The following STS variants were observed in gnomAD, a reference collection of about 807,000 sequenced individuals.
STS encodes steryl-sulfatase.
A neutral mutation model predicts 26.8 loss-of-function variants in STS; 7 were observed. That is an observed-to-expected ratio of 0.26 (90% CI 0.15 to 0.49). The LOEUF is 0.49. Among genes scored for constraint, STS ranks in the 20% least tolerant of loss-of-function variants. The pLI, the probability that STS is intolerant of heterozygous loss-of-function variation, is 0.98. For missense variants in STS, 434 were observed against 465.6 expected (o/e 0.93, Z 0.63); for synonymous variants, 199 against 189.4 (o/e 1.05, Z -0.42).
chrX:7,242,984 G>T (rs1922694204), intron 2 of STS, among the ~76,000 whole-genome samples: 1 of 112,539 alleles, frequency 8.9e-6, no homozygotes, highest in African/African-American at 3.2e-5. Flanking sequence ...TCAGTGAATT[G>T]CTTTCCACTG....
At position 7,148,100 on chromosome X, in the gene STS, G is replaced by C. The variant is rs957111882; in HGVS notation, c.-134+17G>C. ...AAAGATGAGGTGGGTGACGGGCTGC[G>C]GGGGCGCCGCCATGGTGGCGCCTTC... On this transcript the variant is annotated intron_variant, in intron 1 of 10. Coordinates refer to ENST00000674429, the MANE Select transcript of STS (RefSeq NM_001320752.2). 3.5e-6 allele frequency: 4 copies of C among 1,133,255 alleles called. No homozygotes were observed. Among genetic ancestry groups the C allele is most frequent in the East Asian group, 7.4e-5 (2 of 27,122 alleles). The allele number at this position is 1,133,255 out of a possible 1,213,427, so 93.4% of individuals were successfully genotyped here.
At chrX:7,271,567 A>G (rs1267949652) in intron 6 of STS, among the ~76,000 whole-genome samples, 3 of 111,113 alleles carry the variant, frequency 2.7e-5, no homozygotes, top group Non-Finnish European at 3.8e-5. Context: ...GTCATCAGCT[A>G]GGATGACAAT....
chrX:7,193,929 ACT>A (rs1365171920), intron 2 of STS, among the ~76,000 whole-genome samples: 2 of 110,714 alleles, frequency 1.8e-5, no homozygotes, highest in African/African-American at 6.6e-5. Context: ...TTTGAGACAG[ACT>A]CTCACTCTGT....
intron 1 of STS, among the ~76,000 whole-genome samples, chrX:7,150,372 C>T (rs966236165): frequency 1.2e-3 from 135 of 110,806 alleles, no homozygotes; most frequent in African/African-American, 4.2e-3. Context: ...CAGGCGCCAG[C>T]CACCACACCC....
chrX:7,249,155 C>T (rs993191670), intron 2 of STS, among the ~76,000 whole-genome samples: 32 of 110,665 alleles, frequency 2.9e-4, no homozygotes, highest in African/African-American at 1.0e-3. Context: ...AGGGAGCCTG[C>T]ATTAGAGAAA....
At chrX:7,212,438 C>G (rs1921072415) in intron 2 of STS, among the ~76,000 whole-genome samples, 1 of 111,139 alleles carries the variant, frequency 9.0e-6, no homozygotes, top group South Asian at 3.9e-4. Flanking sequence ...TGCCACTGCA[C>G]TCCAGCCTGG....
At chrX:7,165,435 C>T (rs762671589) in intron 1 of STS, among the ~76,000 whole-genome samples, 228 of 110,878 alleles carry the variant, frequency 2.1e-3, no homozygotes, top group African/African-American at 7.0e-3. Context: ...AGGAGATTGA[C>T]ACCAGGAGTT....
intron 7 of STS, among the ~76,000 whole-genome samples, chrX:7,288,317 A>T (rs1925244172): frequency 9.1e-6 from 1 of 110,001 alleles, no homozygotes; most frequent in African/African-American, 3.3e-5. Flanking sequence ...AAATACTCAA[A>T]TATTCATCCA....
At chrX:7,305,221 G>C (rs752418757) in intron 8 of STS, 38 bp downstream of exon 8, 2 of 1,203,195 alleles carry the variant, frequency 1.7e-6, no homozygotes, top group Non-Finnish European at 2.2e-6. Context: ...TGGCCTCTCA[G>C]CTCATCCGCT....
At chrX:7,203,728 T>C (rs1222050988) in intron 2 of STS, among the ~76,000 whole-genome samples, 1 of 111,254 alleles carries the variant, frequency 9.0e-6, no homozygotes, top group Non-Finnish European at 1.9e-5. Context: ...GTTATGTGTA[T>C]GCCTTTCTAT....
chrX:7,148,243 C>T (rs1932927345), intron 1 of STS, 160 bp downstream of exon 1: 1 of 336,036 alleles, frequency 3.0e-6, no homozygotes. Flanking sequence ...CGCGGCCCCT[C>T]GCCCGGCTCC....
intron 7 of STS, among the ~76,000 whole-genome samples, chrX:7,286,149 G>A (rs1210366242): frequency 1.8e-5 from 2 of 111,874 alleles, no homozygotes; most frequent in African/African-American, 6.5e-5. Flanking sequence ...GTATGTATGT[G>A]TGTGTTTACA....
chrX:7,205,315 T>C (rs1357873487), intron 2 of STS, among the ~76,000 whole-genome samples: 1 of 112,077 alleles, frequency 8.9e-6, no homozygotes, highest in Non-Finnish European at 1.9e-5. Context: ...CATCACGTTT[T>C]GTTGTTCCCC....
intron 1 of STS, among the ~76,000 whole-genome samples, chrX:7,160,073 T>C (rs1250107319): frequency 8.9e-6 from 1 of 112,218 alleles, no homozygotes; most frequent in East Asian, 2.8e-4. Context: ...ATTTTTAATA[T>C]GATTATTATT....
chrX:7,334,189 G>T, intron 10 of STS, 82 bp downstream of exon 10: 3 of 1,187,456 alleles, frequency 2.5e-6, no homozygotes, highest in Non-Finnish European at 3.4e-6. Context: ...GGGTAAAAAG[G>T]TGGCTCTGCT....
At chrX:7,238,178 GTAGATAGA>G (rs56331051) in intron 2 of STS, among the ~76,000 whole-genome samples, 2,860 of 91,073 alleles carry the variant, frequency 0.031, 58 homozygotes, top group African/African-American at 0.072. Flanking sequence ...AATGCGTGGT[GTAGATAGA>G]TAGATAGATA....
chrX:7,150,032 A>T (rs1932979976), intron 1 of STS, among the ~76,000 whole-genome samples: 1 of 111,677 alleles, frequency 9.0e-6, no homozygotes, highest in Admixed American at 9.4e-5. Flanking sequence ...TTGCACACAC[A>T]TAGCTGTGGT....
chrX:7,204,724 T>G (rs1478358118), intron 2 of STS, among the ~76,000 whole-genome samples: 1 of 102,666 alleles, frequency 9.7e-6, no homozygotes, highest in Non-Finnish European at 2.0e-5. Context: ...CATTTTTCCT[T>G]CCTTCCTTCC....
intron 8 of STS, among the ~76,000 whole-genome samples, chrX:7,320,066 T>A (rs1926938011): frequency 2.2e-5 from 2 of 92,152 alleles, no homozygotes; most frequent in East Asian, 3.0e-4. Flanking sequence ...TATATATATT[T>A]TATATATATT....
Sources: gnomAD v4.1 joint callset for allele counts (sites outside exome capture counted in the v4.1 genomes callset) on GRCh38, gnomAD v4.1.1 for gene constraint, MANE v1.5 for transcripts, NCBI Gene and HGNC (gene_info 2026-07-23, HGNC 2026-07-21) for gene names.